The following B3GAT2 variants were observed in gnomAD, a reference collection of about 807,000 sequenced individuals.
The protein encoded by B3GAT2 is beta-1,3-glucuronyltransferase 2.
A neutral mutation model predicts 27.8 loss-of-function variants in B3GAT2; 26 were observed. The observed-to-expected ratio is 0.93, with a 90% CI of 0.68 to 1.30. The LOEUF is 1.30. Among genes scored for constraint, B3GAT2 ranks in the 50% most tolerant of loss-of-function variants. The pLI is 0.00. For missense variants in B3GAT2, 458 were observed against 459.0 expected, an observed-to-expected ratio of 1.00 and a Z score of 0.02; for synonymous variants, 218 against 195.1, an observed-to-expected ratio of 1.12 and a Z score of -0.98.
chr6:70,894,108 T>G lies in B3GAT2; in HGVS notation c.736+20A>C, dbSNP rs1392104919. 1.3e-6 allele frequency: 2 copies of G among 1,591,288 alleles called. No individual in the cohort carries two copies. Among genetic ancestry groups the G allele is most frequent in the African/African-American group, 2.7e-5 (2 of 74,148 alleles). On this transcript the variant is annotated intron_variant, in intron 2 of 3. Transcript: ENST00000230053. ...AAGAACAGTCCAGCAGGAACAAATG[T>G]CATCACCCACACTGCTCACCTGCCA...
chr6:70,878,144 G>C (rs2150025779), intron 2 of B3GAT2, among the ~76,000 whole-genome samples: 1 of 152,204 alleles, frequency 6.6e-6, no homozygotes, highest in Non-Finnish European at 1.5e-5. Flanking sequence ...GGTATATTCT[G>C]TGTCTATTGA....
At chr6:70,928,364 A>C (rs908810567) in intron 1 of B3GAT2, among the ~76,000 whole-genome samples, 13 of 149,320 alleles carry the variant, frequency 8.7e-5, no homozygotes, top group East Asian at 1.9e-4. Context: ...CAGAGACACA[A>C]AAAAAAAAAC....
In B3GAT2 at chr6:70,859,464, A is replaced by G. The variant is rs898439951; in HGVS notation, c.*2199T>C. 2 of 1,188,426 alleles carry G rather than the reference A, an allele frequency of 1.7e-6. No individual in the cohort carries two copies. The highest frequency in any genetic ancestry group is 1.5e-5 in the African/African-American group (1 of 65,766). 73.6% of individuals were successfully genotyped at this position (1,188,426 alleles called of 1,614,324 possible). A position where few individuals can be genotyped will look rare whatever the true frequency, so the allele number is the denominator to read the frequency against. ...TTCAGACACTTATGCCTGATTAGTG[A>G]TGTAGTTTATGTTAGTGTCTTTGAA... On this transcript the variant is annotated 3_prime_UTR_variant, in exon 4 of 4. Coordinates refer to ENST00000230053, the MANE Select transcript of B3GAT2 (RefSeq NM_080742.3).
chr6:70,861,712 A>AGAT lies in B3GAT2; in HGVS notation c.920_922dup (p.Asn307_Leu308insHis). 6.2e-7 allele frequency: 1 copy of AGAT among 1,614,102 alleles called. No homozygotes were observed. Among genetic ancestry groups the AGAT allele is most frequent in the Non-Finnish European group, 8.5e-7 (1 of 1,179,980 alleles). The stretch of plus-strand genomic sequence containing the variant: ...CAGGTGGTACTTTGGCTCGTTGGCT[A>AGAT]GATTAACCTTCTCTGTCCGAGTGTG... On this transcript the variant is annotated inframe_insertion, in exon 4 of 4. Coordinates refer to ENST00000230053, the MANE Select transcript of B3GAT2 (RefSeq NM_080742.3).
intron 1 of B3GAT2, among the ~76,000 whole-genome samples, chr6:70,923,693 T>C (rs969977007): frequency 7.9e-5 from 12 of 152,162 alleles, no homozygotes; most frequent in Admixed American, 7.9e-4. Context: ...AAACCCTGCT[T>C]AGAAACATCT....
intron 1 of B3GAT2, among the ~76,000 whole-genome samples, chr6:70,945,223 G>T (rs1454818716): frequency 6.6e-6 from 1 of 152,180 alleles, no homozygotes; most frequent in African/African-American, 2.4e-5. Context: ...GCTGGACAGA[G>T]AATGACTTTG....
intron 1 of B3GAT2, among the ~76,000 whole-genome samples, chr6:70,928,652 T>C (rs1052947019): frequency 1.4e-4 from 22 of 152,184 alleles, no homozygotes; most frequent in Non-Finnish European, 5.9e-5. Context: ...GTTGAATCCC[T>C]GAATAGACCA....
intron 1 of B3GAT2, among the ~76,000 whole-genome samples, chr6:70,920,706 T>C (rs1407911476): frequency 2.0e-5 from 3 of 152,252 alleles, no homozygotes; most frequent in Non-Finnish European, 2.9e-5. Flanking sequence ...GCAGACTTGA[T>C]AGCGTAATTG....
intron 1 of B3GAT2, among the ~76,000 whole-genome samples, chr6:70,940,237 T>C (rs1765368257): frequency 6.6e-6 from 1 of 152,148 alleles, no homozygotes; most frequent in Non-Finnish European, 1.5e-5. Context: ...CTTTAGAATG[T>C]TTTTATTAAT....
chr6:70,865,738 C>T (rs1327255626), intron 2 of B3GAT2, among the ~76,000 whole-genome samples: 1 of 152,078 alleles, frequency 6.6e-6, no homozygotes, highest in Non-Finnish European at 1.5e-5. Context: ...CATTTCTGGA[C>T]AAAATTGCAA....
intron 2 of B3GAT2, among the ~76,000 whole-genome samples, chr6:70,890,271 C>T (rs1772265895): frequency 2.0e-5 from 3 of 152,116 alleles, no homozygotes; most frequent in Non-Finnish European, 4.4e-5. Flanking sequence ...TCCCCCCCTG[C>T]AGTCACTTTA....
chr6:70,891,554 G>A (rs1198579603), intron 2 of B3GAT2, among the ~76,000 whole-genome samples: 1 of 152,164 alleles, frequency 6.6e-6, no homozygotes, highest in Non-Finnish European at 1.5e-5. Flanking sequence ...CCAGTGATGG[G>A]CTATGTGATG....
At chr6:70,954,472 A>C (rs1765619056) in intron 1 of B3GAT2, among the ~76,000 whole-genome samples, 1 of 152,186 alleles carries the variant, frequency 6.6e-6, no homozygotes, top group African/African-American at 2.4e-5. Context: ...CCTTTAAGAA[A>C]ATTTTTTTAA....
chr6:70,891,009 T>C (rs1338652027), intron 2 of B3GAT2, among the ~76,000 whole-genome samples: 1 of 152,236 alleles, frequency 6.6e-6, no homozygotes, highest in Non-Finnish European at 1.5e-5. Context: ...GCTCAGTTCT[T>C]TCAAGCAGTC....
In B3GAT2 at chr6:70,921,425, C is replaced by T. The variant is rs140952687; in HGVS notation, c.592-27153G>A. ...ATGCTTGTGATTGCATTATGAAATT[C>T]TTGTAGTGAGTTTTTCAGCTCTATC... On this transcript the variant is annotated intron_variant, in intron 1 of 3. Transcript: ENST00000230053. Among the ~76,000 whole-genome samples the T allele has an allele frequency of 5.6e-4, 85 of 152,280 alleles. No homozygotes were observed. In the East Asian group the frequency reaches 0.011, roughly 20 times the overall value.
At chr6:70,862,148 A>T in intron 2 of B3GAT2, 170 bp from the exon 3 acceptor site, 1 of 627,620 alleles carries the variant, frequency 1.6e-6, no homozygotes, top group East Asian at 2.8e-5. Context: ...CTCAAAGGAA[A>T]ATCAGTCATT....
intron 1 of B3GAT2, among the ~76,000 whole-genome samples, chr6:70,915,334 T>C (rs2150040068): frequency 6.6e-6 from 1 of 151,784 alleles, no homozygotes; most frequent in East Asian, 2.0e-4. Context: ...GATTGAAAAA[T>C]TTTTCTCCCA....
chr6:70,894,386 T>G lies in B3GAT2; in HGVS notation c.592-114A>C, dbSNP rs1044594293. On this transcript the variant is annotated intron_variant, in intron 1 of 3. Coordinates refer to ENST00000230053, the MANE Select transcript of B3GAT2 (RefSeq NM_080742.3). Reference sequence around the variant, plus strand: ...GGTAGTGGTGTAAGATTTCAAAAGCTGAAGGTTTCAAAACAGAATCCTTCT... The same window carrying G: ...GGTAGTGGTGTAAGATTTCAAAAGCGGAAGGTTTCAAAACAGAATCCTTCT... 11 of 1,204,250 alleles carry G rather than the reference T, an allele frequency of 9.1e-6. No homozygotes were observed. The African/African-American group carries it at 1.7e-4, about 18-fold the overall frequency. 74.6% of individuals were successfully genotyped at this position (1,204,250 alleles called of 1,614,324 possible).
At chr6:70,906,663 A>G (rs1772607405) in intron 1 of B3GAT2, among the ~76,000 whole-genome samples, 1 of 152,212 alleles carries the variant, frequency 6.6e-6, no homozygotes, top group South Asian at 2.1e-4. Flanking sequence ...AGAAAAGCAC[A>G]CACTCCTACT....
Sources: allele counts gnomAD v4.1 joint callset (sites outside exome capture counted in the v4.1 genomes callset), GRCh38; gene constraint gnomAD v4.1.1; transcripts MANE v1.5; gene names NCBI Gene and HGNC (gene_info 2026-07-23, HGNC 2026-07-21).